Variants in TMEM272 observed in about 807,000 individuals in gnomAD.
The protein encoded by TMEM272 is transmembrane protein 272, also known as long intergenic non-protein coding RNA 282.
TMEM272 carries 8 observed loss-of-function variants against 3.7 expected under a neutral mutation model. The observed-to-expected ratio is 2.17, with a 90% confidence interval of 1.27 to 3.91. The LOEUF (loss-of-function observed/expected upper bound fraction) is 3.91. Among genes scored for constraint, TMEM272 ranks in the 30% most tolerant of loss-of-function variants. The pLI, the probability that TMEM272 is intolerant of heterozygous loss-of-function variation, is 0.00. For synonymous variants in TMEM272, 63 were observed against 39.8 expected (o/e 1.58, Z -2.20); for missense variants, 166 against 91.5 (o/e 1.81, Z -3.32).
At chr13:51,821,600 G>A (rs550310780) in intron 4 of TMEM272, among the ~76,000 whole-genome samples, 30 of 143,768 alleles carry the variant, frequency 2.1e-4, no homozygotes, top group African/African-American at 7.4e-4. Flanking sequence ...GCAGAAATAG[G>A]AACTGCTAAA....
the TMEM272 span, chr13:51,866,136 T>C: frequency 7.1e-7 from 1 of 1,399,182 alleles, no homozygotes; most frequent in Non-Finnish European, 9.7e-7. Context: ...GGGATTCAAG[T>C]CCAGGGTGAG....
the TMEM272 span, among the ~76,000 whole-genome samples, chr13:51,892,064 T>A: frequency 6.6e-6 from 1 of 152,078 alleles, no homozygotes; most frequent in Non-Finnish European, 1.5e-5. Flanking sequence ...CATACCCAGA[T>A]GTGGAAGAGG....
At chr13:51,873,543 G>T in the TMEM272 span, among the ~76,000 whole-genome samples, 1 of 152,228 alleles carries the variant, frequency 6.6e-6, no homozygotes, top group East Asian at 1.9e-4. Flanking sequence ...CGGAGGGCTT[G>T]TTAAACCACC....
the TMEM272 span, among the ~76,000 whole-genome samples, chr13:51,858,425 C>A: frequency 6.6e-6 from 1 of 152,094 alleles, no homozygotes; most frequent in Non-Finnish European, 1.5e-5. Context: ...TGAAATTGAG[C>A]TGGAAATCAG....
At chr13:51,863,388 G>T in the TMEM272 span, among the ~76,000 whole-genome samples, 1 of 152,170 alleles carries the variant, frequency 6.6e-6, no homozygotes. Context: ...ACAGTGCAGG[G>T]GCAGATGAGA....
At chr13:51,861,433 A>G in the TMEM272 span, among the ~76,000 whole-genome samples, 3 of 152,200 alleles carry the variant, frequency 2.0e-5, no homozygotes, top group South Asian at 2.1e-4. Context: ...ATTTTACTAC[A>G]TGACAAAAAT....
the TMEM272 span, chr13:51,910,408 C>A: frequency 3.9e-6 from 4 of 1,024,056 alleles, no homozygotes; most frequent in Non-Finnish European, 6.2e-6. Context: ...TCTCTTCCCA[C>A]ATAAAGCCGA....
the TMEM272 span, chr13:51,865,467 C>A: frequency 1.1e-5 from 17 of 1,614,162 alleles, no homozygotes; most frequent in South Asian, 1.6e-4. Context: ...CGGTCCCTGG[C>A]GGCATCCTCT....
chr13:51,896,029 T>G, the TMEM272 span, among the ~76,000 whole-genome samples: 7 of 152,232 alleles, frequency 4.6e-5, no homozygotes, highest in Non-Finnish European at 8.8e-5. Flanking sequence ...CTGTGGACAA[T>G]GCCTGCTTTC....
the TMEM272 span, chr13:51,933,885 C>T: frequency 1.3e-5 from 2 of 152,296 alleles, no homozygotes; most frequent in African/African-American, 2.4e-5. Flanking sequence ...CGTCCTGAAT[C>T]GCGAGAACCT....
chr13:51,873,797 C>G, the TMEM272 span, among the ~76,000 whole-genome samples: 5 of 152,330 alleles, frequency 3.3e-5, no homozygotes, highest in Non-Finnish European at 4.4e-5. Flanking sequence ...ACCTGTACTT[C>G]CCCTGGCCCA....
intron 1 of TMEM272, among the ~76,000 whole-genome samples, chr13:51,839,351 G>A (rs890657852): frequency 7.2e-5 from 11 of 152,212 alleles, no homozygotes; most frequent in Non-Finnish European, 1.6e-4. Flanking sequence ...CACTAGGAGA[G>A]GAAGGGAGTC....
At chr13:51,930,996 T>C in the TMEM272 span, among the ~76,000 whole-genome samples, 2 of 152,172 alleles carry the variant, frequency 1.3e-5, no homozygotes, top group African/African-American at 4.8e-5. Context: ...ATTTGTTTAT[T>C]AAAAAGGTAA....
rs1955988368 is a variant in TMEM272, at chr13:51,813,634, T to G, written c.*3117A>C. On this transcript the variant is annotated 3_prime_UTR_variant, in exon 5 of 5. Transcript: ENST00000629372. ...CAGCTGGGCCCCACAAGTCAGTCTC[T>G]GGGGGCTGTGATTCTGCATTGCAAA... The G allele has an allele frequency of 5.1e-6, 1 of 196,164 alleles. No individual in the cohort carries two copies. Among genetic ancestry groups the G allele is most frequent in the Admixed American group, 6.0e-5 (1 of 16,570 alleles). The allele number at this position is 196,164 out of a possible 1,614,324, so 12.2% of individuals were successfully genotyped here. A position where few individuals can be genotyped will look rare whatever the true frequency, so the allele number is the denominator to read the frequency against.
chr13:51,846,746 C>A (rs1294010402), upstream of TMEM272, among the ~76,000 whole-genome samples: 1 of 151,854 alleles, frequency 6.6e-6, no homozygotes, highest in Non-Finnish European at 1.5e-5. Context: ...TGATCCTGAC[C>A]CTGTGTAGGC....
chr13:51,930,628 C>A, the TMEM272 span: 2 of 151,058 alleles, frequency 1.3e-5, no homozygotes, highest in Admixed American at 6.7e-5. Context: ...CACATACGTT[C>A]CTTGTTTTTT....
the TMEM272 span, among the ~76,000 whole-genome samples, chr13:51,852,605 C>T: frequency 2.6e-3 from 390 of 152,222 alleles, 8 homozygotes; most frequent in Non-Finnish European, 7.4e-4. Context: ...CGCGGCCGGG[C>T]GCGGTGGCTC....
At chr13:51,884,842 C>T in the TMEM272 span, among the ~76,000 whole-genome samples, 1 of 152,222 alleles carries the variant, frequency 6.6e-6, no homozygotes, top group Non-Finnish European at 1.5e-5. Context: ...TCACCTGGAA[C>T]ACAGTAAATG....
chr13:51,846,291 C>T (rs1481332900), upstream of TMEM272, among the ~76,000 whole-genome samples: 1 of 152,180 alleles, frequency 6.6e-6, no homozygotes, highest in Non-Finnish European at 1.5e-5. Flanking sequence ...CAATGATGGA[C>T]CACACAGATG....
Sources: gnomAD v4.1 joint callset for allele counts (sites outside exome capture counted in the v4.1 genomes callset) on GRCh38, gnomAD v4.1.1 for gene constraint, MANE v1.5 for transcripts, NCBI Gene and HGNC (gene_info 2026-07-23, HGNC 2026-07-21) for gene names.